The following CALY variants were observed in gnomAD, a reference collection of about 807,000 sequenced individuals.
The protein encoded by CALY is neuron-specific vesicular protein calcyon.
Under a neutral mutation model 20.2 loss-of-function variants are expected in CALY, and 15 were observed. The ratio of observed to expected loss-of-function variants is 0.74; its 90% confidence interval spans 0.50 to 1.14. The LOEUF is 1.14. Ranked by LOEUF, CALY falls within the 50% of genes most tolerant of loss-of-function variation. The pLI, the probability that CALY is intolerant of heterozygous loss-of-function variation, is 0.00. For missense variants in CALY, 270 were observed against 304.4 expected, an observed-to-expected ratio of 0.89 and a Z score of 0.84; for synonymous variants, 129 against 131.8, an observed-to-expected ratio of 0.98 and a Z score of 0.15.
intron 1 of CALY, 71 bp from the exon 2 acceptor site, chr10:133,329,080 C>T: frequency 2.2e-6 from 3 of 1,339,290 alleles, no homozygotes; most frequent in Admixed American, 4.6e-5. Flanking sequence ...GGCTCTGAAG[C>T]CAGAGGACCC....
intron 1 of CALY, among the ~76,000 whole-genome samples, chr10:133,334,599 AG>A: frequency 9.2e-6 from 1 of 109,258 alleles, no homozygotes; most frequent in African/African-American, 3.6e-5. Context: ...GAAGGATCTG[AG>A]GGGCGAAGGA....
At position 133,328,007 on chromosome 10, in the gene CALY, G is replaced by A. The variant is rs761262571; in HGVS notation, c.144C>T (p.Ile48=). The A allele has an allele frequency of 2.1e-5, 34 of 1,605,992 alleles. No individual in the cohort carries two copies. Among genetic ancestry groups the A allele is most frequent in the East Asian group, 1.3e-4 (6 of 44,780 alleles). The change falls in exon 3 of 6, where the codon ATC becomes ATT. Residue 48 remains isoleucine, a synonymous_variant. Coordinates refer to ENST00000252939, the MANE Select transcript of CALY (RefSeq NM_015722.4). ...ACAGCTGGTATTCTGTCTGTGTCTT[G>A]ATGACCACCTGTGAAAAGAGATGGC... ...LQPPLPDQVV[I]KTQTEYQLSS...
intron 1 of CALY, among the ~76,000 whole-genome samples, chr10:133,335,824 C>G (rs527694760): frequency 6.6e-6 from 1 of 152,164 alleles, no homozygotes; most frequent in East Asian, 1.9e-4. Context: ...AGGCAGTGCC[C>G]GGCTCCTGTC....
chr10:133,335,302 G>A (rs1848419783), intron 1 of CALY, among the ~76,000 whole-genome samples: 1 of 152,294 alleles, frequency 6.6e-6, no homozygotes, highest in African/African-American at 2.4e-5. Flanking sequence ...TCCCGCACCA[G>A]GGCCCGCAGC....
chr10:133,336,048 G>A (rs1301163592), intron 1 of CALY, among the ~76,000 whole-genome samples: 1 of 152,114 alleles, frequency 6.6e-6, no homozygotes, highest in Non-Finnish European at 1.5e-5. Context: ...GGTGCGCGCA[G>A]GTGGGCTTGT....
intron 3 of CALY, chr10:133,327,495 A>T: frequency 1.8e-6 from 1 of 566,362 alleles, no homozygotes; most frequent in South Asian, 2.5e-5. Context: ...AAAATGACTA[A>T]AGCTATCATT....
At chr10:133,333,298 G>GC (rs1043717032) in intron 1 of CALY, among the ~76,000 whole-genome samples, 1 of 106,422 alleles carries the variant, frequency 9.4e-6, no homozygotes, top group Non-Finnish European at 2.0e-5. Flanking sequence ...GGGGTGGGGG[G>GC]GGGGGAAGGA....
At chr10:133,329,905 G>A (rs1848275180) in intron 1 of CALY, among the ~76,000 whole-genome samples, 1 of 152,230 alleles carries the variant, frequency 6.6e-6, no homozygotes, top group Admixed American at 6.5e-5. Flanking sequence ...GTGAGAAAGA[G>A]CGGCCACAAG....
intron 3 of CALY, chr10:133,327,671 A>G (rs1848235820): frequency 1.3e-5 from 8 of 627,136 alleles, no homozygotes; most frequent in South Asian, 1.2e-4. Flanking sequence ...AAAGAAAAAC[A>G]TCTCAGGAGC....
chr10:133,329,838 C>T (rs994105012), intron 1 of CALY, among the ~76,000 whole-genome samples: 3 of 150,526 alleles, frequency 2.0e-5, no homozygotes, highest in Non-Finnish European at 4.4e-5. Flanking sequence ...ATGGGACGTG[C>T]TTATCCTGAA....
intron 1 of CALY, among the ~76,000 whole-genome samples, chr10:133,333,427 G>GT (rs1848352711): frequency 6.8e-6 from 1 of 146,266 alleles, no homozygotes; most frequent in Non-Finnish European, 1.5e-5. Flanking sequence ...GATCTGAAGG[G>GT]AAGGGACCCC....
chr10:133,326,782 C>T lies in CALY; in HGVS notation c.360+96G>A, dbSNP rs546914543. The T allele has an allele frequency of 1.1e-4, 80 of 731,134 alleles. No homozygotes were observed. The South Asian group carries it at 1.2e-3, about 11-fold the overall frequency. The allele number at this position is 731,134 out of a possible 1,614,324, so 45.3% of individuals were successfully genotyped here. On this transcript the variant is annotated intron_variant, in intron 4 of 5. Transcript: ENST00000252939. ...GGAACATGGCTTTGGAGACCACGTT[C>T]CCCCAGCAGCAGGAGACACCCCTGC...
In CALY at chr10:133,326,016, G is replaced by C. The variant is rs1848200808; in HGVS notation, c.465C>G (p.Arg155=). The C allele has an allele frequency of 1.3e-6, 2 of 1,583,404 alleles. No individual in the cohort carries two copies. The highest frequency in any genetic ancestry group is 3.6e-5 in the Admixed American group (2 of 56,244). The change falls in exon 5 of 6, where the codon CGC becomes CGG. Residue 155 remains arginine, a synonymous_variant. Transcript: ENST00000252939. Reference sequence around the variant, plus strand: ...CCGCCGGCGTCTCCGTGCCGTGCTTGCGGCTCAGCGGGTAGGCCCCGATGG... The same window carrying C: ...CCGCCGGCGTCTCCGTGCCGTGCTTCCGGCTCAGCGGGTAGGCCCCGATGG... The part of the protein sequence containing the change: ...LAAIGAYPLS[R]KHGTETPAAW...
chr10:133,334,653 C>T (rs1375674806), intron 1 of CALY, among the ~76,000 whole-genome samples: 1 of 147,356 alleles, frequency 6.8e-6, no homozygotes. Context: ...TTGGAGGTGG[C>T]AGCTTCTGCG....
At chr10:133,335,094 A>C (rs966909991) in intron 1 of CALY, among the ~76,000 whole-genome samples, 5 of 152,088 alleles carry the variant, frequency 3.3e-5, no homozygotes, top group Admixed American at 1.3e-4. Context: ...GAGTCGGAGC[A>C]GCGGAGGGCC....
In CALY at chr10:133,325,484, G is replaced by C. The variant is rs1291360151; in HGVS notation, c.*111C>G. ...ACAGAGTCAGAGACCCACGGGGGCG[G>C]GGCTGCAGCGAGGGCGCCTGGGGAC... On this transcript the variant is annotated 3_prime_UTR_variant, in exon 6 of 6. Transcript: ENST00000252939. The C allele has an allele frequency of 5.0e-6, 1 of 200,202 alleles. No homozygotes were observed. Among genetic ancestry groups the C allele is most frequent in the Non-Finnish European group, 1.0e-5 (1 of 99,828 alleles). 12.4% of individuals were successfully genotyped at this position (200,202 alleles called of 1,614,324 possible).
rs908069640 is a variant in CALY, at chr10:133,324,198, C to T, written c.*1397G>A. The T allele has an allele frequency of 2.7e-6, 1 of 366,598 alleles. No homozygotes were observed. The allele number at this position is 366,598 out of a possible 1,614,324, so 22.7% of individuals were successfully genotyped here. A position where few individuals can be genotyped will look rare whatever the true frequency, so the allele number is the denominator to read the frequency against. On this transcript the variant is annotated 3_prime_UTR_variant, in exon 6 of 6. Coordinates refer to ENST00000252939, the MANE Select transcript of CALY (RefSeq NM_015722.4). ...GCAGGCCATCAGGGCCAATTCAGTTCTGCGTGTGCTTGTTCATCTGGCCAA... is the reference window on the plus strand; with the variant it reads ...GCAGGCCATCAGGGCCAATTCAGTTTTGCGTGTGCTTGTTCATCTGGCCAA...
At chr10:133,331,220 C>A in intron 1 of CALY, among the ~76,000 whole-genome samples, 1 of 152,110 alleles carries the variant, frequency 6.6e-6, no homozygotes, top group East Asian at 1.9e-4. Context: ...AATGTGAATC[C>A]TGAAAGTGCC....
At chr10:133,335,543 G>A (rs1419058335) in intron 1 of CALY, among the ~76,000 whole-genome samples, 1 of 152,256 alleles carries the variant, frequency 6.6e-6, no homozygotes, top group Non-Finnish European at 1.5e-5. Flanking sequence ...GCCCACTGGA[G>A]CCTCGCTTCT....
Sources: gnomAD v4.1 joint callset for allele counts (sites outside exome capture counted in the v4.1 genomes callset) on GRCh38, gnomAD v4.1.1 for gene constraint, MANE v1.5 for transcripts, NCBI Gene and HGNC (gene_info 2026-07-23, HGNC 2026-07-21) for gene names.